HIVEP2: variants seen among roughly 807,000 people sequenced by gnomAD.
HIVEP2 encodes the protein transcription factor HIVEP2.
HIVEP2 carries 14 observed loss-of-function variants against 180.7 expected under a neutral mutation model. The observed-to-expected ratio is 0.08, with a 90% CI of 0.05 to 0.12. HIVEP2 has a LOEUF of 0.12. Among genes scored for constraint, HIVEP2 ranks in the 10% least tolerant of loss-of-function variants. The pLI, the probability that HIVEP2 is intolerant of heterozygous loss-of-function variation, is 1.00. For synonymous variants in HIVEP2, 1,184 were observed against 1,136.4 expected, an observed-to-expected ratio of 1.04 and a Z score of -0.84; for missense variants, 2,579 against 3,008.5, an observed-to-expected ratio of 0.86 and a Z score of 3.34.
chr6:142,910,909 G>C (rs549442521), intron 1 of HIVEP2, among the ~76,000 whole-genome samples: 50 of 152,250 alleles, frequency 3.3e-4, no homozygotes, highest in African/African-American at 1.2e-3. Flanking sequence ...GCATGATACA[G>C]CTTGAATCCA....
intron 1 of HIVEP2, among the ~76,000 whole-genome samples, chr6:142,894,873 G>T (rs6925599): frequency 6.6e-6 from 1 of 152,066 alleles, no homozygotes; most frequent in African/African-American, 2.4e-5. Flanking sequence ...CTGATAATAT[G>T]CCAGACACTG....
At chr6:142,769,263 C>A (rs564225624) in intron 5 of HIVEP2, among the ~76,000 whole-genome samples, 1 of 152,224 alleles carries the variant, frequency 6.6e-6, no homozygotes, top group African/African-American at 2.4e-5. Context: ...GGAAAATAAC[C>A]CATGGGAATT....
intron 1 of HIVEP2, among the ~76,000 whole-genome samples, chr6:142,937,945 C>T (rs899935726): frequency 6.6e-6 from 1 of 152,190 alleles, no homozygotes; most frequent in Non-Finnish European, 1.5e-5. Flanking sequence ...TTCCTTCTAA[C>T]GGATTTGCTA....
At position 142,752,963 on chromosome 6, in the gene HIVEP2, C is replaced by A; in HGVS notation, c.*144G>T. The A allele has an allele frequency of 1.6e-6, 1 of 612,516 alleles. No individual in the cohort carries two copies. The highest frequency in any genetic ancestry group is 2.0e-5 in the South Asian group (1 of 48,850). 37.9% of individuals were successfully genotyped at this position (612,516 alleles called of 1,614,324 possible). A position where few individuals can be genotyped will look rare whatever the true frequency, so the allele number is the denominator to read the frequency against. On this transcript the variant is annotated 3_prime_UTR_variant, in exon 10 of 10. Transcript: ENST00000367603. ...TGATGACTTGTTAATTTACCTAATTCTTTTGATATAACAAAAGTATATATA... is the reference window on the plus strand; with the variant it reads ...TGATGACTTGTTAATTTACCTAATTATTTTGATATAACAAAAGTATATATA...
At chr6:142,787,443 G>C (rs747812015) in intron 2 of HIVEP2, among the ~76,000 whole-genome samples, 1 of 151,746 alleles carries the variant, frequency 6.6e-6, no homozygotes, top group Non-Finnish European at 1.5e-5. Flanking sequence ...CTTATAGTAG[G>C]GAATAGAAAA....
At position 142,753,564 on chromosome 6, in the gene HIVEP2, G is replaced by T; in HGVS notation, c.6884C>A (p.Pro2295Gln). The T allele has an allele frequency of 6.2e-7, 1 of 1,614,126 alleles. No individual in the cohort carries two copies. The highest frequency in any genetic ancestry group is 8.5e-7 in the Non-Finnish European group (1 of 1,179,984). The change falls in exon 10 of 10, where the codon CCA becomes CAA. Residue 2295 changes from proline (P) to glutamine (Q), a missense_variant. Around this residue, in one of 11 missense-constraint regions of HIVEP2, gnomAD observed 660 missense variants for 731.7 expected, o/e 0.90. Transcript: ENST00000367603. ...CCGAGGAGAGGAGGGAGTGCTAGGT[G>T]GACCAGATGACTGCAAAGCGTGAGG... ...RGPHALQSSG[P>Q]PSTPSSPRLL...
chr6:142,887,921 C>A (rs1446583166), intron 1 of HIVEP2, among the ~76,000 whole-genome samples: 2 of 146,124 alleles, frequency 1.4e-5, no homozygotes, highest in African/African-American at 5.1e-5. Context: ...CTGGAAAGAA[C>A]TGGGGGGAAG....
At chr6:142,891,410 TTTAATA>T (rs1325959851) in intron 1 of HIVEP2, among the ~76,000 whole-genome samples, 3 of 149,900 alleles carry the variant, frequency 2.0e-5, no homozygotes, top group African/African-American at 4.9e-5. Context: ...TTATATATAA[TTTAATA>T]TTAATATTAA....
chr6:142,846,322 G>A (rs1289977076), intron 1 of HIVEP2, among the ~76,000 whole-genome samples: 3 of 152,020 alleles, frequency 2.0e-5, no homozygotes, highest in Non-Finnish European at 2.9e-5. Context: ...CAAATCTTCT[G>A]TCTGCAAAGG....
At chr6:142,808,387 T>G (rs1307479732) in intron 2 of HIVEP2, among the ~76,000 whole-genome samples, 8 of 113,270 alleles carry the variant, frequency 7.1e-5, no homozygotes, top group South Asian at 3.0e-4. Context: ...CAGGGATGGA[T>G]GGAAGGAGAG....
Position 142,939,379 on chromosome 6 carries a change from T to C in HIVEP2, c.-641+5720A>G, listed in dbSNP as rs548977737. 2.1e-3 allele frequency among the ~76,000 whole-genome samples: 314 copies of C among 152,108 alleles called. 1 individual carries two copies. The highest frequency in any genetic ancestry group is 7.4e-3 in the African/African-American group (305 of 41,450). On this transcript the variant is annotated intron_variant, in intron 1 of 9. Transcript: ENST00000367603. ...TAAGCTTTCTGAAACACACACTTTA[T>C]AGCATCACCTCTCTGCTCAAAAACC...
chr6:142,879,667 C>T (rs796989000), intron 1 of HIVEP2, among the ~76,000 whole-genome samples: 1 of 152,070 alleles, frequency 6.6e-6, no homozygotes, highest in South Asian at 2.1e-4. Flanking sequence ...TCTCAACCAT[C>T]CCAGGCCATC....
chr6:142,772,786 A>G lies in HIVEP2; in HGVS notation c.1953T>C (p.Ser651=), dbSNP rs543000189. The change falls in exon 5 of 10, where the codon TCT becomes TCC. Residue 651 remains serine, a synonymous_variant. Transcript: ENST00000367603. This position sits in a 1 kb window ranked among gnomAD's most constrained non-coding sequence, Gnocchi z 4.9. ...CCCTGTAGTTTTGCTTTGGTGTTTCAGAGTCCTCCCACTTCTTATAGGGTT... is the reference window on the plus strand; with the variant it reads ...CCCTGTAGTTTTGCTTTGGTGTTTCGGAGTCCTCCCACTTCTTATAGGGTT... ...CRKPYKKWED[S]ETPKQNYRDI... is the part of the protein sequence containing the mutation. 8.4e-5 allele frequency: 135 copies of G among 1,614,186 alleles called. 2 individuals are homozygous for G. The South Asian group carries it at 1.4e-3, about 17-fold the overall frequency.
intron 1 of HIVEP2, among the ~76,000 whole-genome samples, chr6:142,910,319 C>G (rs1777369861): frequency 6.6e-6 from 1 of 152,278 alleles, no homozygotes; most frequent in South Asian, 2.1e-4. Context: ...ATAAACAAAA[C>G]AGGCCAGGCA....
chr6:142,757,723 A>G (rs928578792), intron 9 of HIVEP2, among the ~76,000 whole-genome samples: 2 of 152,188 alleles, frequency 1.3e-5, no homozygotes, highest in Non-Finnish European at 2.9e-5. Context: ...ACACATCAAA[A>G]AAACTTGTAC....
chr6:142,849,621 C>G (rs1775599142), intron 1 of HIVEP2, among the ~76,000 whole-genome samples: 1 of 151,938 alleles, frequency 6.6e-6, no homozygotes, highest in South Asian at 2.1e-4. Flanking sequence ...CTTAAGCCAT[C>G]CTCCCACCTC....
chr6:142,773,355 C>T lies in HIVEP2; in HGVS notation c.1384G>A (p.Val462Ile), dbSNP rs763622728. Residue 462 changes from valine (V) to isoleucine (I), a missense_variant, in exon 5 of 10, where the codon GTT becomes ATT. Around this residue, in one of 11 missense-constraint regions of HIVEP2, gnomAD observed 524 missense variants for 563.6 expected, o/e 0.93. Coordinates refer to ENST00000367603, the MANE Select transcript of HIVEP2 (RefSeq NM_006734.4). The part of the protein sequence containing the change: ...RKGIMEPLPH[V>I]NTRLDVKMFE... Reference sequence around the variant, plus strand: ...ATCTTGACATCTAACCTGGTGTTAACGTGAGGTAATGGTTCCATTATGCCC... The same window carrying T: ...ATCTTGACATCTAACCTGGTGTTAATGTGAGGTAATGGTTCCATTATGCCC... 7 of 1,614,050 alleles carry T rather than the reference C, an allele frequency of 4.3e-6. No homozygotes were observed. The African/African-American group carries it at 5.3e-5, about 12-fold the overall frequency.
At chr6:142,830,575 A>C (rs1023853676) in intron 2 of HIVEP2, among the ~76,000 whole-genome samples, 2 of 152,228 alleles carry the variant, frequency 1.3e-5, no homozygotes, top group Non-Finnish European at 2.9e-5. Context: ...GCTGAAAAAA[A>C]ACAGCAAAAA....
chr6:142,805,639 C>T (rs1222910547), intron 2 of HIVEP2, among the ~76,000 whole-genome samples: 1 of 151,914 alleles, frequency 6.6e-6, no homozygotes, highest in Non-Finnish European at 1.5e-5. Flanking sequence ...GGAACAGTTT[C>T]AGGGAAGGTC....
Sources: allele counts gnomAD v4.1 joint callset (sites outside exome capture counted in the v4.1 genomes callset), GRCh38; gene constraint gnomAD v4.1.1; regional missense constraint gnomAD v4.1.1; non-coding constraint Gnocchi (gnomAD v3.1); transcripts MANE v1.5; gene names NCBI Gene and HGNC (gene_info 2026-07-23, HGNC 2026-07-21).